Variants in MANBA observed in about 807,000 individuals in gnomAD.
MANBA encodes the protein beta-mannosidase.
MANBA carries 83 observed loss-of-function variants against 111.1 expected under a neutral mutation model. That is an observed-to-expected ratio of 0.75 (90% CI 0.63 to 0.90). The LOEUF is 0.90. MANBA is among the 40% of genes least tolerant of loss of function. The pLI is 0.00. For missense variants in MANBA, 1,036 were observed against 1,069.0 expected (o/e 0.97, Z 0.43); for synonymous variants, 370 against 378.7 (o/e 0.98, Z 0.27).
intron 1 of MANBA, chr4:102,727,375 C>T: frequency 1.3e-6 from 1 of 798,880 alleles, no homozygotes; most frequent in Non-Finnish European, 2.2e-6. Context: ...GACATCTTTA[C>T]TTCTTGCTGC....
intron 5 of MANBA, among the ~76,000 whole-genome samples, chr4:102,696,966 T>C (rs2110251107): frequency 6.6e-6 from 1 of 152,144 alleles, no homozygotes; most frequent in East Asian, 1.9e-4. Context: ...TAGCCAAAAA[T>C]GTTGGCCCAC....
At chr4:102,655,858 G>A (rs1237768419) in intron 12 of MANBA, among the ~76,000 whole-genome samples, 1 of 152,148 alleles carries the variant, frequency 6.6e-6, no homozygotes, top group African/African-American at 2.4e-5. Context: ...ACAACCCACA[G>A]ACTGGGAGAA....
At chr4:102,633,389 T>C in intron 16 of MANBA, 2 of 398,694 alleles carry the variant, frequency 5.0e-6, no homozygotes, top group Non-Finnish European at 4.4e-6. Flanking sequence ...GATGCTGGTG[T>C]CATGCTTATG....
intron 7 of MANBA, among the ~76,000 whole-genome samples, chr4:102,675,189 T>G (rs1179858932): frequency 6.6e-6 from 1 of 152,226 alleles, no homozygotes; most frequent in Non-Finnish European, 1.5e-5. Flanking sequence ...GCCTGGGGAC[T>G]CCAGGAGGTC....
chr4:102,661,700 G>C (rs1378957805), intron 11 of MANBA, among the ~76,000 whole-genome samples: 1 of 152,182 alleles, frequency 6.6e-6, no homozygotes, highest in Non-Finnish European at 1.5e-5. Flanking sequence ...TGGCTTTGAC[G>C]ATGCATTATA....
intron 1 of MANBA, chr4:102,728,822 C>T: frequency 5.6e-6 from 5 of 898,846 alleles, no homozygotes; most frequent in South Asian, 1.4e-5. Context: ...AACCACTGCC[C>T]TGGTGGTGCT....
chr4:102,716,338 A>T (rs1465250798), intron 4 of MANBA, among the ~76,000 whole-genome samples: 1 of 149,252 alleles, frequency 6.7e-6, no homozygotes, highest in Non-Finnish European at 1.5e-5. Flanking sequence ...AAAAAAAAGA[A>T]TGAGGAAACA....
chr4:102,669,530 C>T (rs773633312), intron 9 of MANBA, among the ~76,000 whole-genome samples: 1 of 152,196 alleles, frequency 6.6e-6, no homozygotes, highest in Non-Finnish European at 1.5e-5. Context: ...CCTAAGGAGG[C>T]TGTGTGATGC....
chr4:102,745,399 A>T (rs963544687), intron 1 of MANBA, among the ~76,000 whole-genome samples: 1 of 152,166 alleles, frequency 6.6e-6, no homozygotes, highest in African/African-American at 2.4e-5. Context: ...GATCTGACAT[A>T]CAGAGAAGAG....
intron 3 of MANBA, among the ~76,000 whole-genome samples, chr4:102,723,299 G>A (rs1040282190): frequency 6.6e-6 from 1 of 152,106 alleles, no homozygotes; most frequent in Non-Finnish European, 1.5e-5. Flanking sequence ...GCAAAATGAT[G>A]GTCCTAGGGA....
At chr4:102,758,551 CT>C (rs374542775) in intron 1 of MANBA, among the ~76,000 whole-genome samples, 335 of 137,052 alleles carry the variant, frequency 2.4e-3, no homozygotes, top group African/African-American at 2.3e-3. Flanking sequence ...TACTTTTTTT[CT>C]TTTTTTTTTT....
At chr4:102,711,159 C>T (rs1722048036) in intron 5 of MANBA, among the ~76,000 whole-genome samples, 1 of 152,122 alleles carries the variant, frequency 6.6e-6, no homozygotes, top group Non-Finnish European at 1.5e-5. Flanking sequence ...GCAAAGGAAG[C>T]ATTCAACAGA....
At chr4:102,645,241 T>C (rs1274399705) in intron 13 of MANBA, among the ~76,000 whole-genome samples, 1 of 152,128 alleles carries the variant, frequency 6.6e-6, no homozygotes, top group African/African-American at 2.4e-5. Context: ...CCTTTGTATA[T>C]GCTGCTGGAT....
intron 5 of MANBA, 93 bp downstream of exon 5, chr4:102,714,343 ATC>A (rs1722229351): frequency 1.6e-6 from 2 of 1,237,864 alleles, no homozygotes; most frequent in African/African-American, 3.0e-5. Context: ...AAAATTCTAA[ATC>A]TCTGAAAAAC....
At chr4:102,669,681 C>G (rs2110221549) in intron 9 of MANBA, among the ~76,000 whole-genome samples, 1 of 152,126 alleles carries the variant, frequency 6.6e-6, no homozygotes, top group Admixed American at 6.5e-5. Flanking sequence ...CCGGTCTCTA[C>G]TAGAAATACA....
chr4:102,729,296 C>G (rs944345715), intron 1 of MANBA: 5 of 753,784 alleles, frequency 6.6e-6, no homozygotes, highest in Admixed American at 1.7e-5. Flanking sequence ...TGCTTCCCAG[C>G]CAGCATCTGC....
At chr4:102,692,902 C>T (rs1732547934) in intron 5 of MANBA, among the ~76,000 whole-genome samples, 1 of 151,814 alleles carries the variant, frequency 6.6e-6, no homozygotes, top group Admixed American at 6.6e-5. Context: ...TGATCAATGA[C>T]AAAAGACGTT....
chr4:102,669,509 A>AT (rs1356344395), intron 9 of MANBA, among the ~76,000 whole-genome samples: 1 of 152,252 alleles, frequency 6.6e-6, no homozygotes, highest in African/African-American at 2.4e-5. Context: ...ATGAAACCAT[A>AT]TAAGTCCCTT....
rs2866413 is a variant in MANBA at position 102,635,920 on chromosome 4, G to A, written c.2102C>T (p.Thr701Met). 841,742 of 1,608,224 alleles carry A rather than the reference G, an allele frequency of 0.52. 223,306 individuals are homozygous for A. The highest frequency in any genetic ancestry group is 0.7 in the Admixed American group (41,816 of 59,996). ...ATCTGACACACCATAGATATAGAAC[G>A]TGTTTTCATTCTCAAAGCCTACTGG... is the stretch of plus-strand genomic sequence containing the variant. ...LLPVGFENENTFYIYGVSDLH... is the reference protein window; with the variant it reads ...LLPVGFENENMFYIYGVSDLH... Residue 701 changes from threonine to methionine, a missense_variant, in exon 15 of 17, where the codon ACG becomes ATG. Transcript: ENST00000647097.
Sources: allele counts gnomAD v4.1 joint callset (sites outside exome capture counted in the v4.1 genomes callset), GRCh38; gene constraint gnomAD v4.1.1; transcripts MANE v1.5; gene names NCBI Gene and HGNC (gene_info 2026-07-23, HGNC 2026-07-21).